Variants in SPOCK3 observed in about 807,000 individuals in gnomAD.
The protein encoded by SPOCK3 is SPARC (osteonectin), cwcv and kazal like domains proteoglycan 3, also known as testican-3.
In SPOCK3, 30 loss-of-function variants were observed where a neutral mutation model predicts 56.6. That is an observed-to-expected ratio of 0.53 (90% CI 0.40 to 0.72). The LOEUF is 0.72. Among genes scored for constraint, SPOCK3 ranks in the 30% least tolerant of loss-of-function variants. SPOCK3 has a pLI of 0.00. For missense variants in SPOCK3, 527 were observed against 530.0 expected (o/e 0.99, Z 0.06); for synonymous variants, 196 against 183.3 (o/e 1.07, Z -0.56).
chr4:166,831,110 C>T (rs1362338453), intron 6 of SPOCK3, among the ~76,000 whole-genome samples: 1 of 152,068 alleles, frequency 6.6e-6, no homozygotes, highest in East Asian at 1.9e-4. Context: ...AATTTGTTAT[C>T]GTGTAGAATC....
At chr4:166,937,909 A>G (rs1050568668) in intron 4 of SPOCK3, among the ~76,000 whole-genome samples, 22 of 143,254 alleles carry the variant, frequency 1.5e-4, no homozygotes, top group Non-Finnish European at 3.0e-4. Flanking sequence ...GACTACAGGC[A>G]CCCGCCACCA....
chr4:167,111,881 C>T (rs910242908), intron 2 of SPOCK3, among the ~76,000 whole-genome samples: 2 of 151,916 alleles, frequency 1.3e-5, no homozygotes, highest in Non-Finnish European at 2.9e-5. Flanking sequence ...CCTCAGCCTC[C>T]CAAGTAGCTG....
Position 166,989,788 on chromosome 4 carries a change from T to C in SPOCK3, c.350+10561A>G, listed in dbSNP as rs1455579552. On this transcript the variant is annotated intron_variant, in intron 4 of 10. Transcript: ENST00000357545. ...CAGGATAATGATAGCTACTCACACATCTAAAAAGTTCAGTGTCTTAATACA... is the reference window on the plus strand; with the variant it reads ...CAGGATAATGATAGCTACTCACACACCTAAAAAGTTCAGTGTCTTAATACA... Among the ~76,000 whole-genome samples the C allele has an allele frequency of 2.0e-5, 3 of 152,178 alleles. No homozygotes were observed. The East Asian group carries it at 5.8e-4, about 29-fold the overall frequency.
In SPOCK3 at chr4:166,792,292, A is replaced by T; in HGVS notation, c.590-3T>A. 2 of 1,613,466 alleles carry T rather than the reference A, an allele frequency of 1.2e-6. No individual in the cohort carries two copies. Among genetic ancestry groups the T allele is most frequent in the Non-Finnish European group, 1.7e-6 (2 of 1,179,510 alleles). The stretch of plus-strand genomic sequence containing the variant: ...CCTGAACTCCAGGTCACTGCATGCT[A>T]AAAACAGAGAAACAACACAAGTCTT... On this transcript the variant is annotated splice_polypyrimidine_tract_variant and splice_region_variant and intron_variant, in intron 6 of 10. Coordinates refer to ENST00000357545, the MANE Select transcript of SPOCK3 (RefSeq NM_001040159.2).
chr4:167,074,184 G>A (rs988646968), intron 2 of SPOCK3, among the ~76,000 whole-genome samples: 13 of 151,844 alleles, frequency 8.6e-5, no homozygotes, highest in African/African-American at 4.8e-5. Flanking sequence ...GTGGCAGTAC[G>A]TGACTCACCC....
chr4:167,222,750 GATAT>G (rs1736103252), intron 2 of SPOCK3, among the ~76,000 whole-genome samples: 1 of 124,336 alleles, frequency 8.0e-6, no homozygotes, highest in African/African-American at 3.2e-5. Context: ...TATAAACATA[GATAT>G]ATATTGATAT....
At chr4:167,015,029 G>A (rs919572687) in intron 3 of SPOCK3, among the ~76,000 whole-genome samples, 1 of 151,566 alleles carries the variant, frequency 6.6e-6, no homozygotes, top group East Asian at 1.9e-4. Flanking sequence ...ACTATTTCAG[G>A]ACAACAAAAC....
rs113176903 is a variant in SPOCK3, at chr4:167,136,844, C to G, written c.190-74307G>C. Among the ~76,000 whole-genome samples, 1,168 of 152,028 alleles carry G rather than the reference C, an allele frequency of 7.7e-3. 7 individuals are homozygous for G. The highest frequency in any genetic ancestry group is 0.011 in the Non-Finnish European group (750 of 67,948). On this transcript the variant is annotated intron_variant, in intron 2 of 10. Coordinates refer to ENST00000357545, the MANE Select transcript of SPOCK3 (RefSeq NM_001040159.2). Reference sequence around the variant, plus strand: ...TTCCATTAGAATATGAGTTCCAGGACAGTAGAAATTTTCATGAACCATATT... The same window carrying G: ...TTCCATTAGAATATGAGTTCCAGGAGAGTAGAAATTTTCATGAACCATATT...
chr4:167,159,608 T>C (rs532475151), intron 2 of SPOCK3, among the ~76,000 whole-genome samples: 176 of 152,234 alleles, frequency 1.2e-3, no homozygotes, highest in Non-Finnish European at 2.1e-3. Context: ...TTTAGACCAA[T>C]ATCCCTGATG....
chr4:167,090,210 A>T (rs2150308146), intron 2 of SPOCK3, among the ~76,000 whole-genome samples: 1 of 152,256 alleles, frequency 6.6e-6, no homozygotes, highest in Admixed American at 6.5e-5. Context: ...TGCTTCCCAA[A>T]TTGGTTGTAC....
chr4:167,148,988 G>A (rs1003072281), intron 2 of SPOCK3, among the ~76,000 whole-genome samples: 1 of 152,012 alleles, frequency 6.6e-6, no homozygotes. Context: ...GTATTAATTT[G>A]AGTAATTCTT....
At chr4:166,905,662 T>C (rs900478566) in intron 5 of SPOCK3, among the ~76,000 whole-genome samples, 1 of 151,260 alleles carries the variant, frequency 6.6e-6, no homozygotes, top group Non-Finnish European at 1.5e-5. Flanking sequence ...AGGCAAGAAA[T>C]AGAAAGATAA....
chr4:167,152,241 G>A (rs551352292), intron 2 of SPOCK3, among the ~76,000 whole-genome samples: 91 of 152,234 alleles, frequency 6.0e-4, no homozygotes, highest in Middle Eastern at 3.4e-3. Flanking sequence ...GAAGTATACC[G>A]TTAATACAAA....
chr4:166,771,023 A>T, intron 7 of SPOCK3, among the ~76,000 whole-genome samples: 1 of 149,236 alleles, frequency 6.7e-6, no homozygotes, highest in South Asian at 2.1e-4. Flanking sequence ...TATATATATT[A>T]TACATAGTGA....
At chr4:167,232,079 T>A (rs1737234627) in intron 2 of SPOCK3, among the ~76,000 whole-genome samples, 1 of 152,110 alleles carries the variant, frequency 6.6e-6, no homozygotes, top group Non-Finnish European at 1.5e-5. Flanking sequence ...AAAATCTCCA[T>A]CTCTATAGAA....
At chr4:166,882,607 A>G (rs1429984534) in intron 6 of SPOCK3, among the ~76,000 whole-genome samples, 1 of 152,230 alleles carries the variant, frequency 6.6e-6, no homozygotes, top group Non-Finnish European at 1.5e-5. Context: ...ATTAATACAG[A>G]GCTATTTTTC....
intron 4 of SPOCK3, among the ~76,000 whole-genome samples, chr4:166,937,759 T>C (rs1326503499): frequency 1.1e-5 from 1 of 93,258 alleles, no homozygotes; most frequent in Non-Finnish European, 2.2e-5. Flanking sequence ...TTCTATTTTT[T>C]TTTCTTTTTT....
chr4:167,076,135 A>G (rs1757159393), intron 2 of SPOCK3, among the ~76,000 whole-genome samples: 1 of 151,938 alleles, frequency 6.6e-6, no homozygotes, highest in Admixed American at 6.6e-5. Context: ...AATGGTTGCC[A>G]GGGTTTGGGT....
chr4:166,786,006 A>G (rs535572148), intron 7 of SPOCK3, among the ~76,000 whole-genome samples: 1 of 152,314 alleles, frequency 6.6e-6, no homozygotes, highest in East Asian at 1.9e-4. Flanking sequence ...TATTTGGAAC[A>G]GAGAGAAAAT....
Sources: allele counts gnomAD v4.1 joint callset (sites outside exome capture counted in the v4.1 genomes callset), GRCh38; gene constraint gnomAD v4.1.1; transcripts MANE v1.5; gene names NCBI Gene and HGNC (gene_info 2026-07-23, HGNC 2026-07-21).